The following INPP1 variants were observed in gnomAD, a reference collection of about 807,000 sequenced individuals.
INPP1 encodes the protein inositol polyphosphate 1-phosphatase.
INPP1 carries 18 observed loss-of-function variants against 23.0 expected under a neutral mutation model. The ratio of observed to expected loss-of-function variants is 0.78; its 90% CI spans 0.54 to 1.16. The LOEUF is 1.16. INPP1 is among the 50% of genes most tolerant of loss of function. INPP1 has a pLI of 0.00. For synonymous variants in INPP1, 164 were observed against 176.3 expected (o/e 0.93, Z 0.55); for missense variants, 448 against 482.1 (o/e 0.93, Z 0.66).
At chr2:190,357,848 T>C (rs184143890) in intron 2 of INPP1, among the ~76,000 whole-genome samples, 290 of 152,302 alleles carry the variant, frequency 1.9e-3, no homozygotes, top group African/African-American at 6.4e-3. Flanking sequence ...TTAAAACATA[T>C]ACAATAGTCA....
At position 190,346,696 on chromosome 2, in the gene INPP1, C is replaced by T. The variant is rs1274068455; in HGVS notation, c.-208-2192C>T. On this transcript the variant is annotated intron_variant, in intron 1 of 6. Transcript: ENST00000392329. The surrounding 1 kb of genome is among the most constrained non-coding windows in gnomAD (Gnocchi z 5.1). ...GTGATCATGGCTTATGCAGTCTCCA[C>T]CTCTCAGGCTCAAGGAATCCTCCCA... Among the ~76,000 whole-genome samples the T allele has an allele frequency of 6.6e-6, 1 of 152,010 alleles. No individual in the cohort carries two copies. Among genetic ancestry groups the T allele is most frequent in the Non-Finnish European group, 1.5e-5 (1 of 68,008 alleles).
rs1170542239 is a variant in INPP1, at chr2:190,354,467, G to T, written c.-65+5436G>T. Among the ~76,000 whole-genome samples the T allele has an allele frequency of 6.6e-6, 1 of 152,158 alleles. No individual in the cohort carries two copies. Among genetic ancestry groups the T allele is most frequent in the Non-Finnish European group, 1.5e-5 (1 of 68,042 alleles). On this transcript the variant is annotated intron_variant, in intron 2 of 6. Transcript: ENST00000392329. The surrounding 1 kb of genome is among the most constrained non-coding windows in gnomAD (Gnocchi z 4.8). ...GATAGGACCTTTAAAGTTTATGTGA[G>T]GTCATACAGGCGGATCCTTATCCAG...
At chr2:190,362,553 A>G in intron 3 of INPP1, 74 bp from the exon 4 acceptor site, 1 of 834,572 alleles carries the variant, frequency 1.2e-6, no homozygotes, top group Non-Finnish European at 1.9e-6. Context: ...TGAAATATAA[A>G]ATTGAAATCT....
chr2:190,346,418 T>C lies in INPP1; in HGVS notation c.-209+2457T>C, dbSNP rs1194300081. Among the ~76,000 whole-genome samples the C allele has an allele frequency of 6.6e-6, 1 of 152,210 alleles. No homozygotes were observed. The highest frequency in any genetic ancestry group is 1.5e-5 in the Non-Finnish European group (1 of 68,030). ...TTTAGGAAATCTGAAACTTTTATAT[T>C]TTTTTCTGGTCAAGCTTCTGCTGAT... is the stretch of plus-strand genomic sequence containing the variant. On this transcript the variant is annotated intron_variant, in intron 1 of 6. Coordinates refer to ENST00000392329, the MANE Select transcript of INPP1 (RefSeq NM_001128928.2). This position sits in a 1 kb window ranked among gnomAD's most constrained non-coding sequence, Gnocchi z 5.1.
rs1689790246 is a variant in INPP1, at chr2:190,370,973, C to T, written c.771C>T (p.Ser257=). ...TGNTGSEAAF[S]PSFSAVISTS... Reference sequence around the variant, plus strand: ...ACACCGGCTCTGAGGCAGCATTCTCCCCCAGTTTTTCAGCCGTAATTAGTA... The same window carrying T: ...ACACCGGCTCTGAGGCAGCATTCTCTCCCAGTTTTTCAGCCGTAATTAGTA... Residue 257 remains serine (S), a synonymous_variant, in exon 7 of 7, where the codon TCC becomes TCT. Coordinates refer to ENST00000392329, the MANE Select transcript of INPP1 (RefSeq NM_001128928.2). 7 of 1,614,170 alleles carry T rather than the reference C, an allele frequency of 4.3e-6. No individual in the cohort carries two copies. The highest frequency in any genetic ancestry group is 5.1e-6 in the Non-Finnish European group (6 of 1,180,026).
At chr2:190,353,064 C>T (rs1689351860) in intron 2 of INPP1, among the ~76,000 whole-genome samples, 1 of 152,132 alleles carries the variant, frequency 6.6e-6, no homozygotes, top group African/African-American at 2.4e-5. Flanking sequence ...AGTGCTTTGA[C>T]CCGCTTGCCT....
chr2:190,362,665 C>T lies in INPP1; in HGVS notation c.243C>T (p.Ser81=). 6.2e-7 allele frequency: 1 copy of T among 1,604,612 alleles called. No homozygotes were observed. The highest frequency in any genetic ancestry group is 1.3e-5 in the African/African-American group (1 of 74,674). Residue 81 remains serine (S), a synonymous_variant, in exon 4 of 7, where the codon TCC becomes TCT. Coordinates refer to ENST00000392329, the MANE Select transcript of INPP1 (RefSeq NM_001128928.2). Reference sequence around the variant, plus strand: ...AAAAAAATATTTTTGGAGAAGAATCCAATGAGTTTACTAATGACTGGGGTA... The same window carrying T: ...AAAAAAATATTTTTGGAGAAGAATCTAATGAGTTTACTAATGACTGGGGTA... ...GLEKNIFGEE[S]NEFTNDWGEK... is the part of the protein sequence containing the mutation.
At chr2:190,366,948 G>A (rs1273444802) in intron 5 of INPP1, 53 bp downstream of exon 5, 7 of 1,235,944 alleles carry the variant, frequency 5.7e-6, no homozygotes, top group South Asian at 1.2e-5. Flanking sequence ...TTTTGGTGGT[G>A]GGGTTGGGGA....
At chr2:190,369,910 G>C (rs745396986) in intron 6 of INPP1, among the ~76,000 whole-genome samples, 4 of 152,148 alleles carry the variant, frequency 2.6e-5, no homozygotes, top group Non-Finnish European at 5.9e-5. Context: ...TATTGAAATA[G>C]GTCATATTTT....
intron 6 of INPP1, among the ~76,000 whole-genome samples, chr2:190,369,782 A>C (rs1386654689): frequency 6.6e-6 from 1 of 152,014 alleles, no homozygotes; most frequent in African/African-American, 2.4e-5. Context: ...TCTTCCATGC[A>C]CTCTTAAACA....
intron 4 of INPP1, 149 bp downstream of exon 4, chr2:190,362,836 T>G: frequency 6.5e-6 from 3 of 462,412 alleles, no homozygotes; most frequent in Non-Finnish European, 1.2e-5. Context: ...AATTTCTACC[T>G]CAGAATATCA....
intron 4 of INPP1, among the ~76,000 whole-genome samples, chr2:190,365,523 G>C (rs1330946421): frequency 6.6e-6 from 1 of 152,176 alleles, no homozygotes; most frequent in East Asian, 1.9e-4. Flanking sequence ...AGGAATTCAG[G>C]AATTGTTAAC....
intron 4 of INPP1, chr2:190,362,965 T>C (rs548567527): frequency 4.2e-6 from 1 of 240,518 alleles, no homozygotes; most frequent in African/African-American, 2.2e-5. Context: ...TTGGGAAAAT[T>C]GCATGGCCCT....
In INPP1 at chr2:190,354,583, G is replaced by A. The variant is rs547721835; in HGVS notation, c.-64-5456G>A. Among the ~76,000 whole-genome samples, 19 of 152,356 alleles carry A rather than the reference G, an allele frequency of 1.2e-4. No homozygotes were observed. In the South Asian group the frequency reaches 2.9e-3, roughly 23 times the overall value. Reference sequence around the variant, plus strand: ...AGGTGAGGCCACAATGAGAGGGGCCGTCTGTGAGCCAAGGAGCAAAGCCTC... The same window carrying A: ...AGGTGAGGCCACAATGAGAGGGGCCATCTGTGAGCCAAGGAGCAAAGCCTC... On this transcript the variant is annotated intron_variant, in intron 2 of 6. Transcript: ENST00000392329. This position sits in a 1 kb window ranked among gnomAD's most constrained non-coding sequence, Gnocchi z 4.8.
chr2:190,348,153 CAAAA>C (rs1426967178), intron 1 of INPP1, among the ~76,000 whole-genome samples: 1 of 152,006 alleles, frequency 6.6e-6, no homozygotes, highest in Non-Finnish European at 1.5e-5. Flanking sequence ...CAAAACAAAA[CAAAA>C]CAAAACAAAA....
Position 190,354,367 on chromosome 2 carries a change from G to A in INPP1, c.-65+5336G>A, listed in dbSNP as rs953751135. 6.7e-6 allele frequency among the ~76,000 whole-genome samples: 1 copy of A among 149,700 alleles called. No individual in the cohort carries two copies. The highest frequency in any genetic ancestry group is 2.5e-5 in the African/African-American group (1 of 40,578). ...CTGTCTTTCAGGAGAGGTTTTAGGGGCTAAATTATGTTACTTCAAAATTCA... is the reference window on the plus strand; with the variant it reads ...CTGTCTTTCAGGAGAGGTTTTAGGGACTAAATTATGTTACTTCAAAATTCA... On this transcript the variant is annotated intron_variant, in intron 2 of 6. Coordinates refer to ENST00000392329, the MANE Select transcript of INPP1 (RefSeq NM_001128928.2). This position sits in a 1 kb window ranked among gnomAD's most constrained non-coding sequence, Gnocchi z 4.8.
chr2:190,353,901 AG>A (rs1420056704), intron 2 of INPP1, among the ~76,000 whole-genome samples: 2 of 152,208 alleles, frequency 1.3e-5, no homozygotes, highest in Non-Finnish European at 2.9e-5. Context: ...TTCCAAGAAA[AG>A]TCTTAAGAAC....
chr2:190,362,672 T>A lies in INPP1; in HGVS notation c.250T>A (p.Phe84Ile). 2 of 1,599,188 alleles carry A rather than the reference T, an allele frequency of 1.3e-6. No individual in the cohort carries two copies. Among genetic ancestry groups the A allele is most frequent in the Non-Finnish European group, 1.7e-6 (2 of 1,168,054 alleles). ...KNIFGEESNEFTNDWGEKITL... is the reference protein window; with the variant it reads ...KNIFGEESNEITNDWGEKITL... ...TATTTTTGGAGAAGAATCCAATGAG[T>A]TTACTAATGACTGGGGTAAGTATAA... is the stretch of plus-strand genomic sequence containing the variant. Residue 84 changes from phenylalanine to isoleucine, a missense_variant, in exon 4 of 7, where the codon TTT becomes ATT. Physicochemically the swap from Phe to Ile is conservative, Grantham distance 21. Coordinates refer to ENST00000392329, the MANE Select transcript of INPP1 (RefSeq NM_001128928.2).
At position 190,371,345 on chromosome 2, in the gene INPP1, G is replaced by A. The variant is rs560029686; in HGVS notation, c.1143G>A (p.Leu381=). 1 of 1,560,152 alleles carries A rather than the reference G, an allele frequency of 6.4e-7. No homozygotes were observed. The highest frequency in any genetic ancestry group is 8.7e-7 in the Non-Finnish European group (1 of 1,153,020). ...GLIAYRSRKR[L]ETFLSLLVQN... is the part of the protein sequence containing the mutation. ...TTGCATACAGATCCAGGAAGCGGCT[G>A]GAGACATTCCTGAGCCTCCTGGTCC... The change falls in exon 7 of 7, where the codon CTG becomes CTA. Residue 381 remains leucine (L), a synonymous_variant. Coordinates refer to ENST00000392329, the MANE Select transcript of INPP1 (RefSeq NM_001128928.2). This position sits in a 1 kb window ranked among gnomAD's most constrained non-coding sequence, Gnocchi z 5.3.
Sources: gnomAD v4.1 joint callset for allele counts (sites outside exome capture counted in the v4.1 genomes callset) on GRCh38, gnomAD v4.1.1 for gene constraint, Gnocchi (gnomAD v3.1) non-coding constraint, MANE v1.5 for transcripts, NCBI Gene and HGNC (gene_info 2026-07-23, HGNC 2026-07-21) for gene names.